ARHGAP22: variants seen among roughly 807,000 people sequenced by gnomAD.
ARHGAP22 encodes the protein Rho GTPase activating protein 22, also known as rho GTPase-activating protein 22.
ARHGAP22 carries 48 observed loss-of-function variants against 59.1 expected under a neutral mutation model. The ratio of observed to expected loss-of-function variants is 0.81; its 90% CI spans 0.64 to 1.03. The LOEUF (loss-of-function observed/expected upper bound fraction) is 1.03. Among genes scored for constraint, ARHGAP22 ranks in the 50% least tolerant of loss-of-function variants. The probability of loss-of-function intolerance (pLI) is 0.00; values close to 1 mark genes in which losing one functional copy is unlikely to be tolerated. For missense variants in ARHGAP22, 1,015 were observed against 958.7 expected, an observed-to-expected ratio of 1.06 and a Z score of -0.78; for synonymous variants, 445 against 416.4, an observed-to-expected ratio of 1.07 and a Z score of -0.84.
At chr10:48,533,956 G>A (rs1454733127) in intron 3 of ARHGAP22, among the ~76,000 whole-genome samples, 1 of 152,264 alleles carries the variant, frequency 6.6e-6, no homozygotes, top group East Asian at 1.9e-4. Flanking sequence ...AAGCTGTCTG[G>A]GCAGTTTGGT....
intron 1 of ARHGAP22, among the ~76,000 whole-genome samples, chr10:48,585,132 C>T (rs912359823): frequency 6.6e-6 from 1 of 152,140 alleles, no homozygotes; most frequent in Non-Finnish European, 1.5e-5. Flanking sequence ...GGGACTAAAA[C>T]CCCTCGTGGA....
At chr10:48,519,960 G>A (rs189069534) in intron 3 of ARHGAP22, among the ~76,000 whole-genome samples, 1 of 152,304 alleles carries the variant, frequency 6.6e-6, no homozygotes, top group Non-Finnish European at 1.5e-5. Flanking sequence ...GGGCAAGGGT[G>A]AACTCAGGAT....
chr10:48,646,248 A>T (rs900066682), intron 1 of ARHGAP22, among the ~76,000 whole-genome samples: 3 of 152,224 alleles, frequency 2.0e-5, no homozygotes, highest in Admixed American at 1.3e-4. Context: ...TATTGTCAGG[A>T]TGGCAATTAT....
chr10:48,514,242 T>C (rs2053074423), intron 3 of ARHGAP22, among the ~76,000 whole-genome samples: 1 of 152,016 alleles, frequency 6.6e-6, no homozygotes, highest in Admixed American at 6.5e-5. Flanking sequence ...GTAGAAAGAA[T>C]ATTTAAAGGA....
upstream of ARHGAP22, among the ~76,000 whole-genome samples, chr10:48,655,264 G>GCA: frequency 7.2e-6 from 1 of 138,022 alleles, no homozygotes; most frequent in East Asian, 2.1e-4. Context: ...TGTGGGGGGG[G>GCA]GGGGGGGCGG....
chr10:48,511,148 C>A (rs921648142), intron 3 of ARHGAP22, among the ~76,000 whole-genome samples: 2 of 152,196 alleles, frequency 1.3e-5, no homozygotes, highest in Admixed American at 6.5e-5. Context: ...TTAGAAGGTG[C>A]TGGTGTCTAC....
intron 8 of ARHGAP22, 151 bp from the exon 9 acceptor site, chr10:48,451,291 A>G (rs1414906081): frequency 9.4e-7 from 1 of 1,062,186 alleles, no homozygotes; most frequent in Non-Finnish European, 1.4e-6. Flanking sequence ...CGCCCAGAGG[A>G]AAGGACCACA....
intron 3 of ARHGAP22, among the ~76,000 whole-genome samples, chr10:48,499,724 A>T (rs2051311358): frequency 6.6e-6 from 1 of 152,232 alleles, no homozygotes; most frequent in Non-Finnish European, 1.5e-5. Flanking sequence ...GTTCTAAGTC[A>T]ATGAACTGAA....
At chr10:48,538,099 G>A (rs922845978) in intron 3 of ARHGAP22, among the ~76,000 whole-genome samples, 1 of 152,210 alleles carries the variant, frequency 6.6e-6, no homozygotes, top group Non-Finnish European at 1.5e-5. Context: ...AGTTCTGGAG[G>A]CCAGAAGTCC....
chr10:48,554,677 G>T (rs2135310287), intron 3 of ARHGAP22, among the ~76,000 whole-genome samples: 1 of 152,226 alleles, frequency 6.6e-6, no homozygotes, highest in South Asian at 2.1e-4. Flanking sequence ...GGTGGGAGTG[G>T]GTGGGTAGAG....
chr10:48,555,651 TC>T, intron 2 of ARHGAP22, 101 bp from the exon 3 acceptor site: 1 of 1,137,906 alleles, frequency 8.8e-7, no homozygotes, highest in Non-Finnish European at 1.3e-6. Context: ...CCTGGGGCCC[TC>T]CAGGCCATGG....
chr10:48,596,405 G>A (rs1419110289), intron 1 of ARHGAP22, among the ~76,000 whole-genome samples: 1 of 152,130 alleles, frequency 6.6e-6, no homozygotes, highest in Non-Finnish European at 1.5e-5. Context: ...GAGTGTGAAG[G>A]CAGCAGCAGT....
intron 3 of ARHGAP22, among the ~76,000 whole-genome samples, chr10:48,543,501 GA>G (rs1352209348): frequency 1.3e-5 from 2 of 152,004 alleles, no homozygotes; most frequent in South Asian, 2.1e-4. Context: ...TTAAAAAAAG[GA>G]AAAAAAGTGC....
intron 1 of ARHGAP22, among the ~76,000 whole-genome samples, chr10:48,646,436 C>G (rs569401918): frequency 2.5e-4 from 38 of 152,202 alleles, no homozygotes; most frequent in African/African-American, 8.7e-4. Flanking sequence ...ACATTTTCTC[C>G]AAAGTTATAG....
chr10:48,441,087 T>TA (rs1220463717), downstream of ARHGAP22, among the ~76,000 whole-genome samples: 1 of 152,186 alleles, frequency 6.6e-6, no homozygotes, highest in Non-Finnish European at 1.5e-5. Context: ...AACTCCAACT[T>TA]ACCGCTCCAG....
intron 1 of ARHGAP22, among the ~76,000 whole-genome samples, chr10:48,635,288 T>C (rs1022651503): frequency 6.6e-6 from 1 of 152,234 alleles, no homozygotes; most frequent in Non-Finnish European, 1.5e-5. Context: ...CAGGCATGAC[T>C]AGTTTCATAC....
At chr10:48,623,218 T>C (rs918336613) in intron 1 of ARHGAP22, among the ~76,000 whole-genome samples, 1 of 152,174 alleles carries the variant, frequency 6.6e-6, no homozygotes, top group Admixed American at 6.5e-5. Context: ...GGTTGAAGGC[T>C]GACAGTCCCT....
intron 1 of ARHGAP22, among the ~76,000 whole-genome samples, chr10:48,630,802 A>G (rs1285899697): frequency 6.6e-6 from 1 of 152,172 alleles, no homozygotes; most frequent in Non-Finnish European, 1.5e-5. Context: ...GTCTTACTGC[A>G]TTTGCTAGGA....
At chr10:48,498,914 G>A (rs1316765934) in intron 3 of ARHGAP22, among the ~76,000 whole-genome samples, 1 of 151,854 alleles carries the variant, frequency 6.6e-6, no homozygotes, top group Non-Finnish European at 1.5e-5. Flanking sequence ...GACTAGAGAT[G>A]CAGCCACCGA....
Sources: gnomAD v4.1 joint callset for allele counts (sites outside exome capture counted in the v4.1 genomes callset) on GRCh38, gnomAD v4.1.1 for gene constraint, MANE v1.5 for transcripts, NCBI Gene and HGNC (gene_info 2026-07-23, HGNC 2026-07-21) for gene names.